ZNF516: variants seen among roughly 807,000 people sequenced by gnomAD.
The protein encoded by ZNF516 is zinc finger protein 516.
ZNF516 carries 19 observed loss-of-function variants against 79.7 expected under a neutral mutation model. The observed-to-expected ratio is 0.24, with a 90% CI of 0.17 to 0.35. ZNF516 has a LOEUF of 0.35. Among genes scored for constraint, ZNF516 ranks in the 10% least tolerant of loss-of-function variants. ZNF516 has a pLI of 1.00. For missense variants in ZNF516, 1,678 were observed against 1,679.5 expected (o/e 1.00, Z 0.02); for synonymous variants, 877 against 739.5 (o/e 1.19, Z -3.02).
At chr18:76,494,942 G>C (rs186486666) in intron 1 of ZNF516, among the ~76,000 whole-genome samples, 1 of 147,834 alleles carries the variant, frequency 6.8e-6, no homozygotes, top group Non-Finnish European at 1.5e-5. Flanking sequence ...TTGACGAGCA[G>C]AGCAACTACC....
intron 1 of ZNF516, among the ~76,000 whole-genome samples, chr18:76,494,079 GGGTAAAA>G (rs1915377092): frequency 6.6e-6 from 1 of 152,060 alleles, no homozygotes; most frequent in Admixed American, 6.5e-5. Context: ...CACATTTTTC[GGGTAAAA>G]GGCTGGTTCC....
chr18:76,496,267 T>C (rs1915478730), upstream of ZNF516: 2 of 1,286,022 alleles, frequency 1.6e-6, no homozygotes, highest in African/African-American at 1.5e-5. Flanking sequence ...TAACACTATC[T>C]TCTCCCACCA....
At chr18:76,389,707 A>G (rs1444506427) in intron 3 of ZNF516, among the ~76,000 whole-genome samples, 1 of 152,172 alleles carries the variant, frequency 6.6e-6, no homozygotes, top group African/African-American at 2.4e-5. Flanking sequence ...AAGCAGTACA[A>G]AGTAGAAACA....
At chr18:76,370,022 G>A (rs2074677018) in intron 6 of ZNF516, among the ~76,000 whole-genome samples, 1 of 152,206 alleles carries the variant, frequency 6.6e-6, no homozygotes, top group Non-Finnish European at 1.5e-5. Context: ...GGATGGTAAG[G>A]TGCATCACAG....
intron 3 of ZNF516, among the ~76,000 whole-genome samples, chr18:76,440,878 A>C (rs1045887399): frequency 6.6e-6 from 1 of 152,232 alleles, no homozygotes; most frequent in Non-Finnish European, 1.5e-5. Context: ...TTAGGATTAC[A>C]GATGCTCAGG....
At chr18:76,436,738 G>A (rs2075743036) in intron 3 of ZNF516, among the ~76,000 whole-genome samples, 1 of 151,978 alleles carries the variant, frequency 6.6e-6, no homozygotes, top group Admixed American at 6.6e-5. Flanking sequence ...CCCTTCCGCT[G>A]GCCAAATTCA....
chr18:76,381,644 G>A (rs533643939), intron 3 of ZNF516, among the ~76,000 whole-genome samples: 18 of 152,346 alleles, frequency 1.2e-4, no homozygotes, highest in Non-Finnish European at 2.1e-4. Flanking sequence ...CACTTGCCCA[G>A]ATCTGAGGGA....
chr18:76,436,787 G>C (rs1330465443), intron 3 of ZNF516, among the ~76,000 whole-genome samples: 1 of 151,970 alleles, frequency 6.6e-6, no homozygotes, highest in African/African-American at 2.4e-5. Flanking sequence ...CATCCTCCAG[G>C]CCAGGTGCAG....
intron 3 of ZNF516, among the ~76,000 whole-genome samples, chr18:76,395,043 A>G (rs1371936089): frequency 1.3e-5 from 2 of 152,220 alleles, no homozygotes; most frequent in Admixed American, 6.5e-5. Context: ...CACATGAGTG[A>G]GCATTTGGTC....
At chr18:76,484,622 C>T (rs114752099) in intron 1 of ZNF516, among the ~76,000 whole-genome samples, 1,731 of 152,264 alleles carry the variant, frequency 0.011, 31 homozygotes, top group African/African-American at 0.039. Context: ...TTCCCCTGGA[C>T]GGGATTTAAG....
chr18:76,413,122 T>A (rs1025235308), intron 3 of ZNF516, among the ~76,000 whole-genome samples: 11 of 152,234 alleles, frequency 7.2e-5, no homozygotes, highest in African/African-American at 1.9e-4. Context: ...GACGTACTGC[T>A]GAAAATGCCA....
At chr18:76,471,585 GCCA>G (rs1913842749) in intron 1 of ZNF516, among the ~76,000 whole-genome samples, 2 of 152,294 alleles carry the variant, frequency 1.3e-5, no homozygotes, top group South Asian at 4.1e-4. Context: ...GTGTCCAGAG[GCCA>G]CCACTGGTGG....
intron 3 of ZNF516, among the ~76,000 whole-genome samples, chr18:76,430,473 A>G (rs17269602): frequency 0.016 from 2,403 of 152,332 alleles, 29 homozygotes; most frequent in Middle Eastern, 0.041. Flanking sequence ...TCCAATGAAC[A>G]AACTATCCCA....
chr18:76,495,939 C>G (rs961484545), upstream of ZNF516, among the ~76,000 whole-genome samples: 1 of 152,174 alleles, frequency 6.6e-6, no homozygotes, highest in Non-Finnish European at 1.5e-5. Context: ...GCGGCTCTGC[C>G]ACCCGGCCAT....
chr18:76,427,962 T>C (rs530610844), intron 3 of ZNF516, among the ~76,000 whole-genome samples: 1 of 152,314 alleles, frequency 6.6e-6, no homozygotes, highest in South Asian at 2.1e-4. Context: ...ATACTAAGAA[T>C]TATTGAGGGC....
At chr18:76,436,225 C>A (rs2075732332) in intron 3 of ZNF516, among the ~76,000 whole-genome samples, 1 of 152,220 alleles carries the variant, frequency 6.6e-6, no homozygotes, top group Admixed American at 6.5e-5. Flanking sequence ...GCCACCAAGA[C>A]CCCCTCAGAA....
At chr18:76,390,156 C>T (rs1214684829) in intron 3 of ZNF516, among the ~76,000 whole-genome samples, 1 of 152,158 alleles carries the variant, frequency 6.6e-6, no homozygotes, top group Non-Finnish European at 1.5e-5. Context: ...CGACCCGGAC[C>T]CCGGAGGCCT....
intron 1 of ZNF516, among the ~76,000 whole-genome samples, chr18:76,481,708 A>T (rs1266203802): frequency 6.6e-6 from 1 of 152,236 alleles, no homozygotes. Flanking sequence ...TGTTCATAGT[A>T]GGCACTTGAT....
intron 3 of ZNF516, among the ~76,000 whole-genome samples, chr18:76,421,308 C>T (rs976910240): frequency 7.2e-5 from 11 of 152,184 alleles, no homozygotes; most frequent in South Asian, 2.1e-4. Context: ...GCTGAGGCTC[C>T]GAGGCTGCTG....
Sources: gnomAD v4.1 joint callset for allele counts (sites outside exome capture counted in the v4.1 genomes callset) on GRCh38, gnomAD v4.1.1 for gene constraint, MANE v1.5 for transcripts, NCBI Gene and HGNC (gene_info 2026-07-23, HGNC 2026-07-21) for gene names.